The following PCDHGA7 variants were observed in gnomAD, a reference collection of about 807,000 sequenced individuals.
PCDHGA7 encodes the protein protocadherin gamma subfamily A, 7.
PCDHGA7 carries 44 observed loss-of-function variants against 58.3 expected under a neutral mutation model. The observed-to-expected ratio is 0.75, with a 90% confidence interval of 0.59 to 0.97. The LOEUF (loss-of-function observed/expected upper bound fraction) is 0.97, where lower values mean the gene tolerates loss of function less well. PCDHGA7 is among the 50% of genes least tolerant of loss of function. The probability of loss-of-function intolerance (pLI) is 0.00; values close to 1 mark genes in which losing one functional copy is unlikely to be tolerated. For synonymous variants in PCDHGA7, 516 were observed against 504.2 expected (o/e 1.02, Z -0.31); for missense variants, 1,266 against 1,188.7 (o/e 1.06, Z -0.96).
intron 1 of PCDHGA7, chr5:141,389,275 C>T (rs976237601): frequency 7.4e-6 from 12 of 1,614,004 alleles, no homozygotes; most frequent in Admixed American, 1.7e-5. Context: ...GAGAACAACC[C>T]GCCTGGAGCC....
At position 141,431,667 on chromosome 5, in the gene PCDHGA7, C is replaced by T. The variant is rs759257105; in HGVS notation, c.2424+46344C>T. ...GATTGTAATTCAGGGACAATATCAA[C>T]AATAGGGGAGTTGGACCACGAGGAG... On this transcript the variant is annotated intron_variant, in intron 1 of 3. Coordinates refer to ENST00000518325, the MANE Select transcript of PCDHGA7 (RefSeq NM_018920.4). This position sits in a 1 kb window ranked among gnomAD's most constrained non-coding sequence, Gnocchi z 4.8. 1 of 1,614,226 alleles carries T rather than the reference C, an allele frequency of 6.2e-7. No individual in the cohort carries two copies. The highest frequency in any genetic ancestry group is 1.3e-5 in the African/African-American group (1 of 75,072).
intron 1 of PCDHGA7, among the ~76,000 whole-genome samples, chr5:141,452,674 G>A (rs2098746885): frequency 6.6e-6 from 1 of 151,936 alleles, no homozygotes; most frequent in Non-Finnish European, 1.5e-5. Context: ...TCCAGCCTAG[G>A]CCACAGAATG....
Position 141,477,483 on chromosome 5 carries a change from A to G in PCDHGA7, c.2425-17324A>G. The G allele has an allele frequency of 6.2e-7, 1 of 1,614,028 alleles. No individual in the cohort carries two copies. On this transcript the variant is annotated intron_variant, in intron 1 of 3. Coordinates refer to ENST00000518325, the MANE Select transcript of PCDHGA7 (RefSeq NM_018920.4). The surrounding 1 kb of genome is among the most constrained non-coding windows in gnomAD (Gnocchi z 4.9). ...TCCGACATCAATGACAACCCTCCAC[A>G]ATCTTCTCAATCTTCCTACGACGTT...
intron 3 of PCDHGA7, among the ~76,000 whole-genome samples, chr5:141,506,877 G>A (rs998146154): frequency 1.3e-5 from 2 of 152,142 alleles, no homozygotes; most frequent in Non-Finnish European, 2.9e-5. Flanking sequence ...AGAGAACCAG[G>A]TGAAATCACA....
At chr5:141,504,269 A>T (rs7715517) in intron 2 of PCDHGA7, among the ~76,000 whole-genome samples, 3,100 of 152,246 alleles carry the variant, frequency 0.02, 113 homozygotes, top group African/African-American at 0.07. Context: ...GTATTTTTTT[A>T]AATTATGAAT....
At chr5:141,392,864 C>T (rs1328545217) in intron 1 of PCDHGA7, 2 of 1,612,536 alleles carry the variant, frequency 1.2e-6, no homozygotes, top group Non-Finnish European at 1.7e-6. Context: ...TCCTGCTGTG[C>T]GCGCTGCTGG....
At chr5:141,427,509 G>T in intron 1 of PCDHGA7, 1 of 588,640 alleles carries the variant, frequency 1.7e-6, no homozygotes, top group Non-Finnish European at 3.2e-6. Flanking sequence ...TGGGACCCTG[G>T]ATTGGGAGCG....
rs369354938 is a variant in PCDHGA7, at chr5:141,404,125, T to C, written c.2424+18802T>C. 7.5e-4 allele frequency: 1,204 copies of C among 1,613,214 alleles called. 1 individual carries two copies. The highest frequency in any genetic ancestry group is 8.4e-4 in the Non-Finnish European group (986 of 1,179,494). On this transcript the variant is annotated intron_variant, in intron 1 of 3. Coordinates refer to ENST00000518325, the MANE Select transcript of PCDHGA7 (RefSeq NM_018920.4). Reference sequence around the variant, plus strand: ...TCTGTTCTATCCAGGAGAATCTATCTTTTACATTAGAAAATTCAGAAGAAG... The same window carrying C: ...TCTGTTCTATCCAGGAGAATCTATCCTTTACATTAGAAAATTCAGAAGAAG...
At position 141,398,955 on chromosome 5, in the gene PCDHGA7, A is replaced by T. The variant is rs2093730495; in HGVS notation, c.2424+13632A>T. 1.2e-6 allele frequency: 2 copies of T among 1,613,966 alleles called. No homozygotes were observed. Among genetic ancestry groups the T allele is most frequent in the African/African-American group, 1.3e-5 (1 of 75,040 alleles). On this transcript the variant is annotated intron_variant, in intron 1 of 3. Transcript: ENST00000518325. ...ACCAAGACGAGGGCATCAACTCAGA[A>T]ATTACTTATTCCTTCTACAGAACCG...
intron 1 of PCDHGA7, chr5:141,478,346 G>A: frequency 6.2e-7 from 1 of 1,613,794 alleles, no homozygotes; most frequent in African/African-American, 1.3e-5. Context: ...CTCCTTGCAC[G>A]CGGACGCCGT....
At chr5:141,461,278 C>T (rs2099012353) in intron 1 of PCDHGA7, among the ~76,000 whole-genome samples, 1 of 152,086 alleles carries the variant, frequency 6.6e-6, no homozygotes, top group South Asian at 2.1e-4. Context: ...GTTCTCTTTT[C>T]CCCACATCCA....
At chr5:141,423,167 T>C in intron 1 of PCDHGA7, 1 of 1,613,424 alleles carries the variant, frequency 6.2e-7, no homozygotes, top group Non-Finnish European at 8.5e-7. Context: ...GTGGTGGCCG[T>C]CCAGGACCAC....
chr5:141,399,495 T>C, intron 1 of PCDHGA7: 1 of 1,614,034 alleles, frequency 6.2e-7, no homozygotes, highest in Non-Finnish European at 8.5e-7. Context: ...ACTTAGTCAG[T>C]GTACCCGAAA....
intron 1 of PCDHGA7, 96 bp from the exon 2 acceptor site, chr5:141,494,711 A>T (rs757105958): frequency 6.3e-7 from 1 of 1,599,616 alleles, no homozygotes; most frequent in Non-Finnish European, 8.5e-7. Context: ...CTCTGTGCCC[A>T]CTCCCCTCCT....
intron 1 of PCDHGA7, chr5:141,407,890 A>C (rs2094997846): frequency 2.5e-6 from 1 of 395,960 alleles, no homozygotes. Flanking sequence ...TCGGAGACCG[A>C]ATTCAAAATG....
rs2233602 is a variant in PCDHGA7, at chr5:141,490,032, C to T, written c.2425-4775C>T. 47,990 of 1,614,182 alleles carry T rather than the reference C, an allele frequency of 0.03. 1,413 individuals are homozygous for T. Among genetic ancestry groups the T allele is most frequent in the African/African-American group, 0.15 (11,444 of 75,040 alleles). On this transcript the variant is annotated intron_variant, in intron 1 of 3. Coordinates refer to ENST00000518325, the MANE Select transcript of PCDHGA7 (RefSeq NM_018920.4). The surrounding 1 kb of genome is among the most constrained non-coding windows in gnomAD (Gnocchi z 5.4). ...CCATTGGTACTCTGCTGCTCCGCCT[C>T]AATGCCACTGATCCAGACGAGGGCA...
At chr5:141,450,006 C>CTTTTTT (rs1554136305) in intron 1 of PCDHGA7, among the ~76,000 whole-genome samples, 15 of 132,950 alleles carry the variant, frequency 1.1e-4, no homozygotes, top group African/African-American at 2.0e-4. Context: ...TGCCATGTCT[C>CTTTTTT]TTTTTTTTTT....
chr5:141,415,654 A>ATTGGT, intron 1 of PCDHGA7: 1 of 1,573,242 alleles, frequency 6.4e-7, no homozygotes, highest in Non-Finnish European at 8.6e-7. Flanking sequence ...AAAAAAAAAG[A>ATTGGT]TTGGTTTTTA....
chr5:141,384,638 G>C lies in PCDHGA7; in HGVS notation c.1739G>C (p.Arg580Pro). Reference protein sequence around the residue: ...DGSTGMELAPRSAEPGYLVTK... With the variant: ...DGSTGMELAPPSAEPGYLVTK... ...TCTACTGGCATGGAGCTGGCACCCC[G>C]CTCCGCAGAGCCCGGCTACCTGGTG... Residue 580 changes from arginine to proline, a missense_variant, in exon 1 of 4, where the codon CGC becomes CCC. Physicochemically the swap from Arg to Pro is moderately radical, Grantham distance 103. Transcript: ENST00000518325. 1 of 1,614,188 alleles carries C rather than the reference G, an allele frequency of 6.2e-7. No homozygotes were observed. The highest frequency in any genetic ancestry group is 8.5e-7 in the Non-Finnish European group (1 of 1,180,034).
Sources: allele counts gnomAD v4.1 joint callset (sites outside exome capture counted in the v4.1 genomes callset), GRCh38; gene constraint gnomAD v4.1.1; non-coding constraint Gnocchi (gnomAD v3.1); transcripts MANE v1.5; gene names NCBI Gene and HGNC (gene_info 2026-07-23, HGNC 2026-07-21).